AP1G1: variants seen among roughly 807,000 people sequenced by gnomAD.
The protein encoded by AP1G1 is AP-1 complex subunit gamma-1.
Under a neutral mutation model 108.3 loss-of-function variants are expected in AP1G1, and 7 were observed. That is an observed-to-expected ratio of 0.06 (90% CI 0.04 to 0.12). The LOEUF is 0.12. Ranked by LOEUF, AP1G1 falls within the 10% of genes least tolerant of loss-of-function variation. The pLI, the probability that AP1G1 is intolerant of heterozygous loss-of-function variation, is 1.00. For missense variants in AP1G1, 756 were observed against 1,010.7 expected (o/e 0.75, Z 3.42); for synonymous variants, 379 against 353.5 (o/e 1.07, Z -0.81).
chr16:71,760,478 G>T (rs1253280934), intron 10 of AP1G1, among the ~76,000 whole-genome samples: 1 of 151,092 alleles, frequency 6.6e-6, no homozygotes, highest in African/African-American at 2.4e-5. Flanking sequence ...TCGGGAGGCG[G>T]AGGTTGCAGT....
At chr16:71,779,052 T>C (rs771887671) in intron 2 of AP1G1, among the ~76,000 whole-genome samples, 3 of 152,194 alleles carry the variant, frequency 2.0e-5, no homozygotes, top group Non-Finnish European at 4.4e-5. Context: ...AGCTTTTATA[T>C]CCAAATTCCA....
At chr16:71,736,959 G>T (rs1330072372) in intron 21 of AP1G1, among the ~76,000 whole-genome samples, 1 of 152,066 alleles carries the variant, frequency 6.6e-6, no homozygotes, top group Non-Finnish European at 1.5e-5. Flanking sequence ...CACCAAAAAT[G>T]TCATGTTTTA....
At chr16:71,735,011 G>A (rs184441740) in intron 21 of AP1G1, among the ~76,000 whole-genome samples, 121 of 152,234 alleles carry the variant, frequency 7.9e-4, no homozygotes, top group African/African-American at 2.7e-3. Flanking sequence ...TTCTTCTTCT[G>A]GCAACTTCAC....
intron 11 of AP1G1, among the ~76,000 whole-genome samples, chr16:71,758,167 T>C (rs1597052531): frequency 6.6e-6 from 1 of 152,228 alleles, no homozygotes; most frequent in Non-Finnish European, 1.5e-5. Flanking sequence ...ACTTTAAATA[T>C]ACTTTGTTCT....
intron 9 of AP1G1, 150 bp from the exon 10 acceptor site, chr16:71,761,717 C>A: frequency 1.7e-6 from 1 of 601,172 alleles, no homozygotes; most frequent in South Asian, 2.3e-5. Flanking sequence ...CGCCTGTAAT[C>A]CCAGAACTTT....
At chr16:71,736,117 A>AAAAAAAAAAAAAATAT (rs1555550846) in intron 21 of AP1G1, among the ~76,000 whole-genome samples, 13 of 71,634 alleles carry the variant, frequency 1.8e-4, no homozygotes, top group Non-Finnish European at 2.2e-4. Context: ...AAAAAAAAAA[A>AAAAAAAAAAAAAATAT]ATATATATAT....
intron 2 of AP1G1, among the ~76,000 whole-genome samples, chr16:71,780,489 TCTTAA>T (rs951647279): frequency 7.8e-6 from 1 of 128,790 alleles, no homozygotes; most frequent in Non-Finnish European, 1.6e-5. Context: ...AGATCCTGTC[TCTTAA>T]TTTAAAAAAA....
At chr16:71,749,285 C>G (rs1221811253) in intron 15 of AP1G1, among the ~76,000 whole-genome samples, 1 of 151,830 alleles carries the variant, frequency 6.6e-6, no homozygotes, top group Non-Finnish European at 1.5e-5. Context: ...AGTTCAAGAC[C>G]AGCCTGGGCA....
intron 2 of AP1G1, among the ~76,000 whole-genome samples, chr16:71,775,220 C>T (rs1213354379): frequency 6.6e-6 from 1 of 150,442 alleles, no homozygotes; most frequent in African/African-American, 2.5e-5. Context: ...TTAGAACAGA[C>T]AGGGTTTCAA....
At chr16:71,768,965 T>TAAAAA (rs11374038) in intron 6 of AP1G1, among the ~76,000 whole-genome samples, 128 of 71,660 alleles carry the variant, frequency 1.8e-3, no homozygotes, top group East Asian at 2.8e-3. Context: ...TTCCTGCCTT[T>TAAAAA]AAAAAAAAAA....
chr16:71,759,051 T>C, intron 10 of AP1G1, 130 bp from the exon 11 acceptor site: 4 of 610,766 alleles, frequency 6.5e-6, no homozygotes, highest in South Asian at 4.1e-5. Context: ...AAAAGAAAGT[T>C]AGTGAACATA....
chr16:71,779,180 C>G (rs117710694), intron 2 of AP1G1, among the ~76,000 whole-genome samples: 2,970 of 152,200 alleles, frequency 0.02, 54 homozygotes, highest in Non-Finnish European at 0.03. Flanking sequence ...AATACAGTGC[C>G]TGAAGAAGTG....
intron 1 of AP1G1, among the ~76,000 whole-genome samples, chr16:71,806,367 GTGAA>G (rs2032998568): frequency 6.6e-6 from 1 of 152,200 alleles, no homozygotes; most frequent in African/African-American, 2.4e-5. Flanking sequence ...CCTTTCTACA[GTGAA>G]TGCAAACTAT....
chr16:71,739,142 C>G, intron 20 of AP1G1, 40 bp from the exon 21 acceptor site: 1 of 1,612,266 alleles, frequency 6.2e-7, no homozygotes, highest in South Asian at 1.1e-5. Flanking sequence ...TGTAGTCAGC[C>G]TAATGCTTGC....
chr16:71,737,442 C>T (rs567858860), intron 21 of AP1G1, among the ~76,000 whole-genome samples: 1 of 152,250 alleles, frequency 6.6e-6, no homozygotes, highest in Admixed American at 6.5e-5. Flanking sequence ...CACCATTGCA[C>T]CTGGCTAATT....
chr16:71,730,154 C>T lies in AP1G1; in HGVS notation c.*2904G>A, dbSNP rs111991984. On this transcript the variant is annotated 3_prime_UTR_variant, in exon 23 of 23. Coordinates refer to ENST00000299980, the MANE Select transcript of AP1G1 (RefSeq NM_001128.6). ...AAAGACCTTAAAATTAACAGATGATCACTATGCACAGCCTAAAACTTCCGT... is the reference window on the plus strand; with the variant it reads ...AAAGACCTTAAAATTAACAGATGATTACTATGCACAGCCTAAAACTTCCGT... 8 of 152,720 alleles carry T rather than the reference C, an allele frequency of 5.2e-5. 1 individual carries two copies. Among genetic ancestry groups the T allele is most frequent in the African/African-American group, 1.9e-4 (8 of 41,566 alleles). 9.5% of individuals were successfully genotyped at this position (152,720 alleles called of 1,614,324 possible).
At position 71,733,061 on chromosome 16, in the gene AP1G1, T is replaced by C. The variant is rs147519448; in HGVS notation, c.2466A>G (p.Gln822=). The part of the protein sequence containing the change: ...EVNNFPPQSW[Q] ...GAATGAGAATGGTGCCAAACCCTCA[T>C]TGCCAGGACTGAGGGGGAAAGTTGT... The change falls in exon 23 of 23, where the codon CAA becomes CAG. Residue 822 remains glutamine, a synonymous_variant. Coordinates refer to ENST00000299980, the MANE Select transcript of AP1G1 (RefSeq NM_001128.6). 7.8e-5 allele frequency: 125 copies of C among 1,609,650 alleles called. 1 individual carries two copies. The highest frequency in any genetic ancestry group is 9.9e-5 in the Non-Finnish European group (117 of 1,176,292).
Position 71,753,840 on chromosome 16 carries a change from A to G in AP1G1, c.1277T>C (p.Leu426Ser). 1 of 1,614,054 alleles carries G rather than the reference A, an allele frequency of 6.2e-7. No homozygotes were observed. Among genetic ancestry groups the G allele is most frequent in the East Asian group, 2.2e-5 (1 of 44,888 alleles). The change falls in exon 13 of 23, where the codon TTG (leucine) becomes TCG (serine). Residue 426 changes from leucine to serine, a missense_variant. By Grantham distance (145) the Leu-to-Ser change is moderately radical. Around this residue, in one of 3 missense-constraint regions of AP1G1, gnomAD observed 357 missense variants for 366.5 expected, o/e 0.97. Transcript: ENST00000299980. Reference protein sequence around the residue: ...RWHIDTIMRVLTTAGSYVRDD... With the variant: ...RWHIDTIMRVSTTAGSYVRDD... ...CTGAAAGAAGCTACTTACCGTTGTCAAAACACGCATAATTGTGTCTATATG... is the reference window on the plus strand; with the variant it reads ...CTGAAAGAAGCTACTTACCGTTGTCGAAACACGCATAATTGTGTCTATATG...
chr16:71,798,525 A>C (rs1020163799), intron 1 of AP1G1, among the ~76,000 whole-genome samples: 1 of 151,980 alleles, frequency 6.6e-6, no homozygotes, highest in Non-Finnish European at 1.5e-5. Context: ...CAGTTTCAGA[A>C]ACCAAAGAGG....
Sources: gnomAD v4.1 joint callset for allele counts (sites outside exome capture counted in the v4.1 genomes callset) on GRCh38, gnomAD v4.1.1 for gene constraint, gnomAD v4.1.1 regional missense constraint, MANE v1.5 for transcripts, NCBI Gene and HGNC (gene_info 2026-07-23, HGNC 2026-07-21) for gene names.